Variants in ANKRD44 observed in about 807,000 individuals in gnomAD.
ANKRD44 encodes the protein serine/threonine-protein phosphatase 6 regulatory ankyrin repeat subunit B.
In ANKRD44, 35 loss-of-function variants were observed where a neutral mutation model predicts 116.0. The observed-to-expected ratio is 0.30, with a 90% CI of 0.23 to 0.40. ANKRD44 has a LOEUF of 0.40. Among genes scored for constraint, ANKRD44 ranks in the 10% least tolerant of loss-of-function variants. The pLI is 1.00. For synonymous variants in ANKRD44, 435 were observed against 461.8 expected, an observed-to-expected ratio of 0.94 and a Z score of 0.74; for missense variants, 1,014 against 1,242.6, an observed-to-expected ratio of 0.82 and a Z score of 2.77.
At chr2:197,030,617 C>A (rs936851269) in intron 16 of ANKRD44, among the ~76,000 whole-genome samples, 1 of 152,126 alleles carries the variant, frequency 6.6e-6, no homozygotes, top group Non-Finnish European at 1.5e-5. Context: ...CAGAGGCAGC[C>A]CCCTGACAGT....
chr2:196,982,096 T>C (rs2075804839), downstream of ANKRD44, among the ~76,000 whole-genome samples: 1 of 34,842 alleles, frequency 2.9e-5, no homozygotes, highest in African/African-American at 7.4e-5. Context: ...CATTTGTCAA[T>C]ACTAAAAAAA....
chr2:197,041,197 A>T (rs749251415), intron 16 of ANKRD44, among the ~76,000 whole-genome samples: 7 of 152,194 alleles, frequency 4.6e-5, no homozygotes, highest in Non-Finnish European at 1.0e-4. Context: ...ATGATGTCCC[A>T]AGAGCAGAAA....
chr2:197,103,056 C>T (rs191397569), intron 9 of ANKRD44, among the ~76,000 whole-genome samples: 8 of 151,964 alleles, frequency 5.3e-5, no homozygotes, highest in Non-Finnish European at 8.8e-5. Context: ...GGTGAAACCC[C>T]ATCTCTACCA....
chr2:197,115,007 T>A (rs150705105), intron 8 of ANKRD44, among the ~76,000 whole-genome samples: 128 of 152,316 alleles, frequency 8.4e-4, no homozygotes, highest in African/African-American at 2.9e-3. Flanking sequence ...CCATTCCAGT[T>A]TCCACCTTCA....
At chr2:197,161,076 G>C (rs563663916) in intron 2 of ANKRD44, among the ~76,000 whole-genome samples, 1 of 152,316 alleles carries the variant, frequency 6.6e-6, no homozygotes, top group South Asian at 2.1e-4. Flanking sequence ...AATTGAGCCA[G>C]TGGGACAGAA....
chr2:197,145,993 TC>T (rs1479533146), intron 3 of ANKRD44, among the ~76,000 whole-genome samples: 1 of 152,192 alleles, frequency 6.6e-6, no homozygotes, highest in Non-Finnish European at 1.5e-5. Context: ...CTCAATTCAT[TC>T]CAGGATTTGT....
intron 4 of ANKRD44, chr2:197,133,886 C>T (rs1462368106): frequency 1.3e-5 from 2 of 151,740 alleles, no homozygotes; most frequent in East Asian, 1.9e-4. Context: ...CCACCGTCAG[C>T]TCTCACAATG....
intron 1 of ANKRD44, among the ~76,000 whole-genome samples, chr2:197,277,807 G>A (rs1574426391): frequency 6.6e-6 from 1 of 152,116 alleles, no homozygotes; most frequent in South Asian, 2.1e-4. Context: ...CATTCAGGAG[G>A]ACAAGAGGAA....
At chr2:197,198,224 ATCATGGAAGGTCTTGAATACCAAG>A (rs2081004980) in intron 1 of ANKRD44, 1 of 152,308 alleles carries the variant, frequency 6.6e-6, no homozygotes, top group African/African-American at 2.4e-5. Flanking sequence ...CAGGGATCCT[ATCATGGAAGGTCTTGAATACCAAG>A]CTAAGAAATT....
chr2:197,019,829 T>C (rs1010552809), intron 17 of ANKRD44, among the ~76,000 whole-genome samples: 34 of 151,384 alleles, frequency 2.2e-4, no homozygotes, highest in Non-Finnish European at 3.7e-4. Context: ...TGGAGTCTCA[T>C]TCCGTCGCCC....
chr2:197,120,334 A>C (rs1384710362), intron 8 of ANKRD44, among the ~76,000 whole-genome samples: 1 of 152,188 alleles, frequency 6.6e-6, no homozygotes, highest in Non-Finnish European at 1.5e-5. Context: ...ACATCACTGA[A>C]GCCACTATCT....
chr2:197,141,132 G>A (rs1488491834), intron 3 of ANKRD44, among the ~76,000 whole-genome samples: 1 of 152,116 alleles, frequency 6.6e-6, no homozygotes, highest in Non-Finnish European at 1.5e-5. Context: ...CAGGAGAATC[G>A]CTTGAACCTG....
chr2:197,132,046 G>A (rs1425333393), intron 4 of ANKRD44, among the ~76,000 whole-genome samples: 1 of 152,182 alleles, frequency 6.6e-6, no homozygotes, highest in Non-Finnish European at 1.5e-5. Context: ...TATAAAAGAT[G>A]TTTCTCTAAT....
chr2:197,216,946 GA>G (rs1230843262), intron 1 of ANKRD44, among the ~76,000 whole-genome samples: 3 of 146,616 alleles, frequency 2.0e-5, no homozygotes, highest in Middle Eastern at 3.4e-3. Flanking sequence ...TGGGGGAAAA[GA>G]AAAAAAAAGG....
chr2:197,274,018 T>TATATATATATATAG (rs2083002836), intron 1 of ANKRD44, among the ~76,000 whole-genome samples: 1 of 70,980 alleles, frequency 1.4e-5, no homozygotes, highest in African/African-American at 4.9e-5. Context: ...TATATATATA[T>TATATATATATATAG]ATATATATAT....
intron 17 of ANKRD44, among the ~76,000 whole-genome samples, chr2:197,022,562 C>A (rs1428626896): frequency 6.6e-6 from 1 of 152,228 alleles, no homozygotes; most frequent in Non-Finnish European, 1.5e-5. Flanking sequence ...CTGCTCCAGC[C>A]ACAGTGGCCC....
intron 2 of ANKRD44, among the ~76,000 whole-genome samples, chr2:197,186,612 CTTTTTTTTTTTTTTTTTTTTT>C (rs149107038): frequency 2.2e-4 from 11 of 50,810 alleles, no homozygotes; most frequent in South Asian, 3.2e-3. Flanking sequence ...GCTAATTTTT[CTTTTTTTTTTTTTTTTTTTTT>C]TTTTTTTTTT....
intron 2 of ANKRD44, among the ~76,000 whole-genome samples, chr2:197,174,112 C>G (rs1019602718): frequency 6.6e-6 from 1 of 152,140 alleles, no homozygotes; most frequent in East Asian, 1.9e-4. Context: ...TATGAAAATT[C>G]TTACATGGTT....
intron 10 of ANKRD44, among the ~76,000 whole-genome samples, chr2:197,096,955 C>T (rs1404347066): frequency 1.3e-5 from 2 of 152,132 alleles, no homozygotes; most frequent in Admixed American, 1.3e-4. Flanking sequence ...TGTCGCATCC[C>T]CAGATAGTTG....
Sources: allele counts gnomAD v4.1 joint callset (sites outside exome capture counted in the v4.1 genomes callset), GRCh38; gene constraint gnomAD v4.1.1; transcripts MANE v1.5; gene names NCBI Gene and HGNC (gene_info 2026-07-23, HGNC 2026-07-21).